TBX19: variants seen among roughly 807,000 people sequenced by gnomAD.
The protein encoded by TBX19 is T-box transcription factor TBX19.
TBX19 carries 33 observed loss-of-function variants against 40.9 expected under a neutral mutation model. The ratio of observed to expected loss-of-function variants is 0.81; its 90% CI spans 0.61 to 1.08. TBX19 has a LOEUF of 1.08. Ranked by LOEUF, TBX19 falls within the 50% of genes least tolerant of loss-of-function variation. TBX19 has a pLI of 0.00. For synonymous variants in TBX19, 220 were observed against 225.0 expected, an observed-to-expected ratio of 0.98 and a Z score of 0.20; for missense variants, 494 against 574.0, an observed-to-expected ratio of 0.86 and a Z score of 1.42.
intron 5 of TBX19, among the ~76,000 whole-genome samples, chr1:168,304,463 T>G (rs1237870214): frequency 6.6e-6 from 1 of 152,184 alleles, no homozygotes; most frequent in Admixed American, 6.5e-5. Context: ...AGGCCTATCT[T>G]AGGTTCTACA....
chr1:168,288,766 A>AC (rs995589087), intron 1 of TBX19, among the ~76,000 whole-genome samples: 27 of 106,266 alleles, frequency 2.5e-4, no homozygotes, highest in African/African-American at 7.3e-4. Context: ...AAGTTTTGGT[A>AC]CTTTTTTTTT....
Position 168,298,897 on chromosome 1 carries a change from TTCTC to T in TBX19, c.665+1124_665+1127del, listed in dbSNP as rs373554389. 6.4e-3 allele frequency among the ~76,000 whole-genome samples: 668 copies of T among 103,926 alleles called. 55 individuals are homozygous for T. Among genetic ancestry groups the T allele is most frequent in the South Asian group, 0.028 (72 of 2,616 alleles). 68.2% of individuals were successfully genotyped at this position (103,926 alleles called of 152,430 possible). ...TTTCTTTCTTTCTTTCTTTCTTTCT[TTCTC>T]TCTCTCTCTCTTTCTTTCATTCTTC... On this transcript the variant is annotated intron_variant, in intron 4 of 7. Coordinates refer to ENST00000367821, the MANE Select transcript of TBX19 (RefSeq NM_005149.3).
intron 1 of TBX19, among the ~76,000 whole-genome samples, chr1:168,287,220 GTCTTC>G (rs1648825875): frequency 6.6e-6 from 1 of 152,130 alleles, no homozygotes; most frequent in African/African-American, 2.4e-5. Flanking sequence ...AGCCACTTTG[GTCTTC>G]TCTTTTAGTT....
At chr1:168,288,371 GGAGGCCTGACTGTACAT>G (rs1648854643) in intron 1 of TBX19, among the ~76,000 whole-genome samples, 1 of 151,926 alleles carries the variant, frequency 6.6e-6, no homozygotes, top group Admixed American at 6.6e-5. Context: ...CTGGGAATGT[GGAGGCCTGACTGTACAT>G]GATAACTATT....
At chr1:168,301,027 G>A (rs746268493) in intron 5 of TBX19, among the ~76,000 whole-genome samples, 4 of 152,222 alleles carry the variant, frequency 2.6e-5, no homozygotes, top group Non-Finnish European at 5.9e-5. Context: ...CATGTCCCAG[G>A]ATGGTGGAGG....
chr1:168,305,168 G>A lies in TBX19; in HGVS notation c.888G>A (p.Ala296=), dbSNP rs553692187. ...ACCGGCAGGCTCCCTACCCTTCTGC[G>A]TACATGCACAGAAACCATTCTCCCT... ...RGHRQAPYPS[A]YMHRNHSPSV... Residue 296 remains alanine, a synonymous_variant, in exon 6 of 8, where the codon GCG becomes GCA. Transcript: ENST00000367821. 5.6e-6 allele frequency: 9 copies of A among 1,612,934 alleles called. No homozygotes were observed. The highest frequency in any genetic ancestry group is 1.7e-4 in the Middle Eastern group (1 of 5,972).
At chr1:168,290,073 A>T (rs1250528299) in intron 1 of TBX19, among the ~76,000 whole-genome samples, 1 of 152,106 alleles carries the variant, frequency 6.6e-6, no homozygotes, top group Non-Finnish European at 1.5e-5. Context: ...ACACATCTGT[A>T]ATCCCAGCTA....
intron 1 of TBX19, 77 bp downstream of exon 1, chr1:168,281,370 T>C: frequency 7.3e-7 from 1 of 1,363,386 alleles, no homozygotes; most frequent in Non-Finnish European, 1.0e-6. Context: ...TTGAAGAGGC[T>C]GCCGCTCTTC....
chr1:168,280,936 G>A lies in TBX19; in HGVS notation c.-155G>A. On this transcript the variant is annotated 5_prime_UTR_variant, in exon 1 of 8. The change creates a new upstream start codon in the 5' untranslated region. Transcript: ENST00000367821. ...GGCATAATGTGGAGACTTTTAAGGGGTGTCATCCTAGGAGCTTAGGCAAGA... is the reference window on the plus strand; with the variant it reads ...GGCATAATGTGGAGACTTTTAAGGGATGTCATCCTAGGAGCTTAGGCAAGA... The A allele has an allele frequency of 2.7e-6, 2 of 729,942 alleles. No homozygotes were observed. The highest frequency in any genetic ancestry group is 4.8e-6 in the Non-Finnish European group (2 of 414,970). 45.2% of individuals were successfully genotyped at this position (729,942 alleles called of 1,614,324 possible).
At chr1:168,288,376 C>T (rs1648854730) in intron 1 of TBX19, among the ~76,000 whole-genome samples, 1 of 151,910 alleles carries the variant, frequency 6.6e-6, no homozygotes, top group Non-Finnish European at 1.5e-5. Context: ...AATGTGGAGG[C>T]CTGACTGTAC....
chr1:168,304,028 A>T (rs747821818), intron 5 of TBX19, among the ~76,000 whole-genome samples: 15 of 152,176 alleles, frequency 9.9e-5, no homozygotes, highest in Non-Finnish European at 1.8e-4. Context: ...GTGACTAAGA[A>T]TTCCTAACCA....
In TBX19 at chr1:168,312,840, C is replaced by G; in HGVS notation, c.1185C>G (p.Leu395=). 6 of 1,614,286 alleles carry G rather than the reference C, an allele frequency of 3.7e-6. No individual in the cohort carries two copies. The highest frequency in any genetic ancestry group is 5.1e-6 in the Non-Finnish European group (6 of 1,180,052). Reference sequence around the variant, plus strand: ...CTGTGACTTCACCCCCTTCTGTGCTCTCCACCCAAGCACCCACTTCGGCTG... The same window carrying G: ...CTGTGACTTCACCCCCTTCTGTGCTGTCCACCCAAGCACCCACTTCGGCTG... ...NPAVTSPPSV[L]STQAPTSAGV... is the part of the protein sequence containing the mutation. The change falls in exon 8 of 8, where the codon CTC becomes CTG. Residue 395 remains leucine, a synonymous_variant. Transcript: ENST00000367821.
chr1:168,288,112 C>T (rs1015655486), intron 1 of TBX19, among the ~76,000 whole-genome samples: 1 of 152,102 alleles, frequency 6.6e-6, no homozygotes, highest in Non-Finnish European at 1.5e-5. Flanking sequence ...TGTTTCCAGG[C>T]CCCTGCAAAT....
intron 6 of TBX19, 47 bp from the exon 7 acceptor site, chr1:168,308,695 A>G (rs1649459646): frequency 1.2e-6 from 2 of 1,613,540 alleles, no homozygotes; most frequent in South Asian, 1.1e-5. Flanking sequence ...CACCATCTTT[A>G]TGTCTTCTAC....
intron 7 of TBX19, among the ~76,000 whole-genome samples, chr1:168,311,007 A>G (rs527731277): frequency 6.6e-6 from 1 of 151,744 alleles, no homozygotes; most frequent in Non-Finnish European, 1.5e-5. Flanking sequence ...AAATGTGGCT[A>G]CTAGAAAATT....
At chr1:168,296,758 C>T (rs1303595814) in intron 3 of TBX19, among the ~76,000 whole-genome samples, 1 of 152,080 alleles carries the variant, frequency 6.6e-6, no homozygotes, top group African/African-American at 2.4e-5. Context: ...CCTGTAATCC[C>T]AGCACTTTGG....
chr1:168,293,638 T>C (rs1649023573), intron 3 of TBX19, among the ~76,000 whole-genome samples: 1 of 152,154 alleles, frequency 6.6e-6, no homozygotes, highest in Non-Finnish European at 1.5e-5. Flanking sequence ...GGGCAGGAGC[T>C]GTCAGGTCTC....
intron 1 of TBX19, among the ~76,000 whole-genome samples, chr1:168,281,762 G>T (rs1264275614): frequency 6.6e-6 from 1 of 152,206 alleles, no homozygotes; most frequent in Non-Finnish European, 1.5e-5. Flanking sequence ...AAGGGCAAAT[G>T]TAAACTCATT....
At chr1:168,300,366 T>C (rs1553290014) in intron 4 of TBX19, 56 bp from the exon 5 acceptor site, 18 of 1,537,330 alleles carry the variant, frequency 1.2e-5, no homozygotes, top group Non-Finnish European at 1.4e-5. Context: ...GTATGCTTTA[T>C]AGTGGACATA....
Sources: allele counts gnomAD v4.1 joint callset (sites outside exome capture counted in the v4.1 genomes callset), GRCh38; gene constraint gnomAD v4.1.1; transcripts MANE v1.5; gene names NCBI Gene and HGNC (gene_info 2026-07-23, HGNC 2026-07-21).